Variants in BTBD9 observed in about 807,000 individuals in gnomAD.
BTBD9 encodes BTB/POZ domain-containing protein 9.
In BTBD9, 49 loss-of-function variants were observed where a neutral mutation model predicts 64.3. The observed-to-expected ratio is 0.76, with a 90% confidence interval of 0.61 to 0.97. The LOEUF is 0.97. Among genes scored for constraint, BTBD9 ranks in the 50% least tolerant of loss-of-function variants. The pLI, the probability that BTBD9 is intolerant of heterozygous loss-of-function variation, is 0.00. For missense variants in BTBD9, 598 were observed against 762.1 expected (o/e 0.78, Z 2.53); for synonymous variants, 260 against 274.7 (o/e 0.95, Z 0.53).
intron 6 of BTBD9, among the ~76,000 whole-genome samples, chr6:38,465,834 C>CTTT (rs368219474): frequency 0.11 from 7,410 of 69,588 alleles, 1,361 homozygotes; most frequent in Non-Finnish European, 0.14. Context: ...TTCTTTTTTC[C>CTTT]TTTTTTTTTT....
chr6:38,307,514 T>C (rs1285834563), intron 7 of BTBD9, among the ~76,000 whole-genome samples: 2 of 152,232 alleles, frequency 1.3e-5, no homozygotes, highest in Non-Finnish European at 1.5e-5. Flanking sequence ...TTCCAGAGAA[T>C]TCAGTCCTGA....
intron 9 of BTBD9, among the ~76,000 whole-genome samples, chr6:38,234,382 G>A (rs918982858): frequency 2.0e-5 from 3 of 152,148 alleles, no homozygotes; most frequent in African/African-American, 7.2e-5. Flanking sequence ...TGACAGTTAA[G>A]GACAGTTTCA....
intron 5 of BTBD9, 24 bp from the exon 6 acceptor site, chr6:38,577,743 G>C (rs754454575): frequency 1.9e-6 from 3 of 1,587,416 alleles, no homozygotes; most frequent in Non-Finnish European, 2.6e-6. Context: ...GGAAAAAGCA[G>C]AAAAAAATTA....
chr6:38,584,621 A>G (rs1210057274), intron 4 of BTBD9, among the ~76,000 whole-genome samples: 1 of 152,142 alleles, frequency 6.6e-6, no homozygotes, highest in Non-Finnish European at 1.5e-5. Context: ...CATTCGCCCC[A>G]GTGGATTATT....
At chr6:38,482,411 CTT>C (rs35462270) in intron 6 of BTBD9, 95 of 139,368 alleles carry the variant, frequency 6.8e-4, no homozygotes, top group Non-Finnish European at 6.5e-4. Flanking sequence ...CTTTCTCTTT[CTT>C]TTTTTTTTTT....
intron 6 of BTBD9, among the ~76,000 whole-genome samples, chr6:38,558,053 A>T (rs139815953): frequency 2.8e-4 from 42 of 152,306 alleles, no homozygotes; most frequent in Middle Eastern, 3.4e-3. Flanking sequence ...TTAGCCCAGG[A>T]GTTTGAGACC....
intron 6 of BTBD9, among the ~76,000 whole-genome samples, chr6:38,453,549 AAGTAT>A: frequency 6.6e-6 from 1 of 152,286 alleles, no homozygotes; most frequent in African/African-American, 2.4e-5. Context: ...GAGTGGTTTT[AAGTAT>A]TTGGTTTTAT....
At chr6:38,255,359 A>C (rs1467382391) in intron 9 of BTBD9, among the ~76,000 whole-genome samples, 2 of 152,240 alleles carry the variant, frequency 1.3e-5, no homozygotes, top group African/African-American at 4.8e-5. Flanking sequence ...ATGGTTGCAC[A>C]ATACTGTGAC....
chr6:38,257,354 T>G lies in BTBD9; in HGVS notation c.1455-838A>C, dbSNP rs2127535670. Among the ~76,000 whole-genome samples the G allele has an allele frequency of 1.3e-5, 2 of 151,672 alleles. 1 individual carries two copies. Among genetic ancestry groups the G allele is most frequent in the East Asian group, 3.9e-4 (2 of 5,136 alleles). ...AAGTAGTTACAGGCATGCACCACCA[T>G]GCCTGGCTATTTTTAAATTTTATGT... On this transcript the variant is annotated intron_variant, in intron 8 of 10. Transcript: ENST00000481247.
At chr6:38,197,814 G>C (rs1005730200) in intron 9 of BTBD9, among the ~76,000 whole-genome samples, 1 of 152,182 alleles carries the variant, frequency 6.6e-6, no homozygotes, top group Non-Finnish European at 1.5e-5. Context: ...GCAAGTTAGA[G>C]GACAATATGT....
chr6:38,440,848 C>A (rs764097065), intron 6 of BTBD9, among the ~76,000 whole-genome samples: 1 of 152,240 alleles, frequency 6.6e-6, no homozygotes, highest in African/African-American at 2.4e-5. Flanking sequence ...AGATATAACA[C>A]CGGTCAGGGA....
chr6:38,276,663 C>T (rs1460638802), intron 8 of BTBD9, among the ~76,000 whole-genome samples: 1 of 152,122 alleles, frequency 6.6e-6, no homozygotes, highest in Non-Finnish European at 1.5e-5. Flanking sequence ...TCATTATACT[C>T]CTAACAAAAA....
chr6:38,413,793 A>G (rs1395837546), intron 6 of BTBD9, among the ~76,000 whole-genome samples: 1 of 152,096 alleles, frequency 6.6e-6, no homozygotes, highest in Non-Finnish European at 1.5e-5. Context: ...ATTAGAAACC[A>G]ATTACTTTGA....
At chr6:38,596,669 C>T (rs1176883202) in intron 2 of BTBD9, among the ~76,000 whole-genome samples, 1 of 152,000 alleles carries the variant, frequency 6.6e-6, no homozygotes, top group Non-Finnish European at 1.5e-5. Context: ...AGCGTGGTGG[C>T]AGGCGCCCGT....
intron 1 of BTBD9, among the ~76,000 whole-genome samples, chr6:38,605,609 G>C (rs114264893): frequency 6.6e-6 from 1 of 152,086 alleles, no homozygotes; most frequent in Non-Finnish European, 1.5e-5. Flanking sequence ...TTATAAAAAG[G>C]TTCCCACAGT....
chr6:38,297,245 A>AATCCC (rs2127560885), intron 7 of BTBD9, among the ~76,000 whole-genome samples: 1 of 152,246 alleles, frequency 6.6e-6, no homozygotes, highest in Admixed American at 6.5e-5. Context: ...GCGCACCTGT[A>AATCCC]ATCCCAGCTA....
At chr6:38,461,659 T>C (rs1770092518) in intron 6 of BTBD9, among the ~76,000 whole-genome samples, 1 of 152,220 alleles carries the variant, frequency 6.6e-6, no homozygotes, top group African/African-American at 2.4e-5. Context: ...ATATGCTTTC[T>C]TTTCCTAGGG....
chr6:38,526,018 G>A (rs757305923), intron 6 of BTBD9, among the ~76,000 whole-genome samples: 6 of 152,244 alleles, frequency 3.9e-5, no homozygotes, highest in Non-Finnish European at 7.3e-5. Flanking sequence ...GTAAAGAAGA[G>A]CAAATGTTAA....
At chr6:38,308,219 C>T in intron 7 of BTBD9, among the ~76,000 whole-genome samples, 1 of 152,148 alleles carries the variant, frequency 6.6e-6, no homozygotes, top group Non-Finnish European at 1.5e-5. Context: ...AAGGTGAGGC[C>T]TTGAAATTGA....
Sources: gnomAD v4.1 joint callset for allele counts (sites outside exome capture counted in the v4.1 genomes callset) on GRCh38, gnomAD v4.1.1 for gene constraint, MANE v1.5 for transcripts, NCBI Gene and HGNC (gene_info 2026-07-23, HGNC 2026-07-21) for gene names.